UBXN7: variants seen among roughly 807,000 people sequenced by gnomAD.
UBXN7 encodes UBX domain protein 7.
Under a neutral mutation model 58.0 loss-of-function variants are expected in UBXN7, and 9 were observed. The observed-to-expected ratio is 0.16, with a 90% CI of 0.09 to 0.27. The LOEUF (loss-of-function observed/expected upper bound fraction) is 0.27. UBXN7 is among the 10% of genes least tolerant of loss of function. The pLI is 1.00. For missense variants in UBXN7, 328 were observed against 599.6 expected, an observed-to-expected ratio of 0.55 and a Z score of 4.73; for synonymous variants, 208 against 205.0, an observed-to-expected ratio of 1.01 and a Z score of -0.12.
intron 1 of UBXN7, among the ~76,000 whole-genome samples, chr3:196,408,214 A>G (rs570422642): frequency 8.1e-4 from 124 of 152,148 alleles, no homozygotes; most frequent in Admixed American, 3.1e-3. Context: ...GTCAATCTTC[A>G]TCATTTAAAA....
rs1728164227 is a variant in UBXN7 at position 196,349,542 on chromosome 3, C to T, written c.*7143G>A. ...TACTGTAAAATCATGTTGCTGCAAACAGCAAGGCATCCAGCTGAGTGTAAG... is the reference window on the plus strand; with the variant it reads ...TACTGTAAAATCATGTTGCTGCAAATAGCAAGGCATCCAGCTGAGTGTAAG... On this transcript the variant is annotated 3_prime_UTR_variant, in exon 11 of 11. Coordinates refer to ENST00000296328, the MANE Select transcript of UBXN7 (RefSeq NM_015562.2). The T allele has an allele frequency of 6.6e-6, 1 of 152,122 alleles. No individual in the cohort carries two copies. The highest frequency in any genetic ancestry group is 1.5e-5 in the Non-Finnish European group (1 of 68,014). The allele number at this position is 152,122 out of a possible 1,614,324, so 9.4% of individuals were successfully genotyped here. A position where few individuals can be genotyped will look rare whatever the true frequency, so the allele number is the denominator to read the frequency against.
intron 1 of UBXN7, 89 bp downstream of exon 1, chr3:196,432,238 G>C (rs1361743386): frequency 6.5e-7 from 1 of 1,542,660 alleles, no homozygotes; most frequent in Non-Finnish European, 8.9e-7. Context: ...GCCCGAAGGA[G>C]GAATGCCTGA....
intron 6 of UBXN7, among the ~76,000 whole-genome samples, chr3:196,370,355 G>A (rs919981804): frequency 6.6e-6 from 1 of 151,404 alleles, no homozygotes. Context: ...GGAGACTGAG[G>A]TGGGAAGATC....
chr3:196,390,426 C>T (rs906454849), intron 5 of UBXN7, among the ~76,000 whole-genome samples: 3 of 151,940 alleles, frequency 2.0e-5, no homozygotes, highest in African/African-American at 7.3e-5. Flanking sequence ...TATTCTTTGG[C>T]CTACAGGGTC....
At chr3:196,403,227 G>T (rs1262730795) in intron 2 of UBXN7, among the ~76,000 whole-genome samples, 1 of 152,084 alleles carries the variant, frequency 6.6e-6, no homozygotes, top group East Asian at 1.9e-4. Flanking sequence ...ACACGATCTT[G>T]GCTCACTGCA....
At chr3:196,406,941 T>C (rs1730181154) in intron 2 of UBXN7, among the ~76,000 whole-genome samples, 1 of 152,234 alleles carries the variant, frequency 6.6e-6, no homozygotes, top group Admixed American at 6.5e-5. Flanking sequence ...TATTTGCTGC[T>C]GCCGTGAGGC....
rs748702163 is a variant in UBXN7, at chr3:196,356,646, G to A, written c.*39C>T. ...AGTGACATGTATCTCACAGGAAAAG[G>A]GAAAAAAGGGGTAAGCTGAGAGAGG... On this transcript the variant is annotated 3_prime_UTR_variant, in exon 11 of 11. Coordinates refer to ENST00000296328, the MANE Select transcript of UBXN7 (RefSeq NM_015562.2). 15 of 1,554,656 alleles carry A rather than the reference G, an allele frequency of 9.6e-6. No individual in the cohort carries two copies. The East Asian group carries it at 3.5e-4, about 36-fold the overall frequency.
intron 4 of UBXN7, 145 bp downstream of exon 4, chr3:196,393,409 G>T: frequency 1.4e-6 from 1 of 696,508 alleles, no homozygotes; most frequent in Non-Finnish European, 2.3e-6. Context: ...TTTAGCTCAG[G>T]GGAGAATTAA....
intron 1 of UBXN7, among the ~76,000 whole-genome samples, chr3:196,410,186 C>A (rs1470282814): frequency 6.6e-6 from 1 of 152,096 alleles, no homozygotes; most frequent in South Asian, 2.1e-4. Context: ...GTGATCCACC[C>A]GCCTTGGCCT....
intron 10 of UBXN7, among the ~76,000 whole-genome samples, chr3:196,357,097 C>CAAATAATATATATACCCA (rs1175078515): frequency 6.6e-6 from 1 of 152,182 alleles, no homozygotes; most frequent in African/African-American, 2.4e-5. Context: ...TTTGGCTCCC[C>CAAATAATATATATACCCA]AATAAATATA....
rs1728168088 is a variant in UBXN7 at position 196,349,686 on chromosome 3, T to C, written c.*6999A>G. The C allele has an allele frequency of 6.6e-6, 1 of 152,130 alleles. No individual in the cohort carries two copies. Among genetic ancestry groups the C allele is most frequent in the South Asian group, 2.1e-4 (1 of 4,828 alleles). The allele number at this position is 152,130 out of a possible 1,614,324, so 9.4% of individuals were successfully genotyped here. A position where few individuals can be genotyped will look rare whatever the true frequency, so the allele number is the denominator to read the frequency against. On this transcript the variant is annotated 3_prime_UTR_variant, in exon 11 of 11. Coordinates refer to ENST00000296328, the MANE Select transcript of UBXN7 (RefSeq NM_015562.2). ...CGGTTCCAGATCAAGAATCTCTCCC[T>C]TATCAGTTAAGAGTTCCATACTGAG...
intron 1 of UBXN7, among the ~76,000 whole-genome samples, chr3:196,420,631 T>C (rs1432471672): frequency 6.6e-6 from 1 of 152,166 alleles, no homozygotes; most frequent in Non-Finnish European, 1.5e-5. Flanking sequence ...CAGTCATCTA[T>C]ACTCCATGAC....
At chr3:196,406,465 A>C (rs1730165535) in intron 2 of UBXN7, among the ~76,000 whole-genome samples, 1 of 151,818 alleles carries the variant, frequency 6.6e-6, no homozygotes, top group African/African-American at 2.4e-5. Context: ...TTTGAGACAG[A>C]GTCTTGCTCT....
chr3:196,398,523 T>C (rs530393459), intron 3 of UBXN7, among the ~76,000 whole-genome samples: 29 of 152,346 alleles, frequency 1.9e-4, no homozygotes, highest in African/African-American at 7.0e-4. Flanking sequence ...ATCATCTGTT[T>C]CATGTCACCA....
intron 5 of UBXN7, 133 bp from the exon 6 acceptor site, chr3:196,372,175 A>T: frequency 1.1e-6 from 1 of 937,248 alleles, no homozygotes; most frequent in Non-Finnish European, 1.5e-6. Context: ...TAGAGTTTTC[A>T]GCATTTATAC....
intron 1 of UBXN7, chr3:196,414,505 C>G (rs1577473652): frequency 6.6e-6 from 1 of 152,124 alleles, no homozygotes; most frequent in African/African-American, 2.4e-5. Flanking sequence ...TATCCCTCTA[C>G]TCTCATCTCA....
intron 1 of UBXN7, among the ~76,000 whole-genome samples, chr3:196,430,967 T>G (rs1289767848): frequency 1.3e-5 from 2 of 152,218 alleles, no homozygotes; most frequent in African/African-American, 4.8e-5. Context: ...CCAATTTTAT[T>G]GCAAATTTTA....
intron 5 of UBXN7, among the ~76,000 whole-genome samples, chr3:196,387,744 T>C (rs1729454283): frequency 6.6e-6 from 1 of 152,182 alleles, no homozygotes; most frequent in Non-Finnish European, 1.5e-5. Flanking sequence ...CACAATGAGA[T>C]ACCATCTCAT....
chr3:196,400,099 G>A (rs1416857027), intron 3 of UBXN7: 1 of 151,988 alleles, frequency 6.6e-6, no homozygotes, highest in Non-Finnish European at 1.5e-5. Flanking sequence ...GGGTGAACTG[G>A]CCCAGGTTGG....
Sources: gnomAD v4.1 joint callset for allele counts (sites outside exome capture counted in the v4.1 genomes callset) on GRCh38, gnomAD v4.1.1 for gene constraint, MANE v1.5 for transcripts, NCBI Gene and HGNC (gene_info 2026-07-23, HGNC 2026-07-21) for gene names.